The following EPHA5 variants were observed in gnomAD, a reference collection of about 807,000 sequenced individuals.
EPHA5 encodes the protein ephrin type-A receptor 5.
A neutral mutation model predicts 105.0 loss-of-function variants in EPHA5; 60 were observed. The observed-to-expected ratio is 0.57, with a 90% CI of 0.46 to 0.71. The LOEUF (loss-of-function observed/expected upper bound fraction) is 0.71. Ranked by LOEUF, EPHA5 falls within the 30% of genes least tolerant of loss-of-function variation. The pLI is 0.00. For missense variants in EPHA5, 1,218 were observed against 1,274.7 expected (o/e 0.96, Z 0.68); for synonymous variants, 513 against 449.1 (o/e 1.14, Z -1.80).
chr4:65,564,875 A>G (rs1201207088), intron 3 of EPHA5, among the ~76,000 whole-genome samples: 1 of 151,806 alleles, frequency 6.6e-6, no homozygotes, highest in Non-Finnish European at 1.5e-5. Flanking sequence ...TTTCTAATGC[A>G]AAGTGTTCTC....
At chr4:65,483,920 G>C (rs559920132) in intron 5 of EPHA5, among the ~76,000 whole-genome samples, 1 of 152,036 alleles carries the variant, frequency 6.6e-6, no homozygotes, top group Non-Finnish European at 1.5e-5. Flanking sequence ...AACTAGAGCC[G>C]TCATAAAGAA....
At chr4:65,617,639 G>GC (rs796680796) in intron 2 of EPHA5, among the ~76,000 whole-genome samples, 11 of 152,144 alleles carry the variant, frequency 7.2e-5, no homozygotes, top group African/African-American at 2.2e-4. Context: ...TTTTGGTCTG[G>GC]CCACTATTTT....
At chr4:65,534,984 C>T (rs1736156304) in intron 3 of EPHA5, among the ~76,000 whole-genome samples, 1 of 152,058 alleles carries the variant, frequency 6.6e-6, no homozygotes, top group Admixed American at 6.6e-5. Context: ...TTATGAGATA[C>T]TTTGAAAATT....
At chr4:65,420,204 G>A (rs1313952248) in intron 6 of EPHA5, among the ~76,000 whole-genome samples, 2 of 152,038 alleles carry the variant, frequency 1.3e-5, no homozygotes, top group African/African-American at 2.4e-5. Flanking sequence ...GTGCAACTCA[G>A]TTAAGCCAAT....
rs1720626803 is a variant in EPHA5, at chr4:65,331,634, G to C, written c.2945+339C>G. On this transcript the variant is annotated intron_variant, in intron 16 of 16. Coordinates refer to ENST00000613740, the MANE Select transcript of EPHA5 (RefSeq NM_001281766.3). ...TTGTGCTTACAGTTTATTTTGTTTT[G>C]TATTTACATTCATATAACATAGATA... 8.3e-6 allele frequency: 9 copies of C among 1,079,020 alleles called. No individual in the cohort carries two copies. In the South Asian group the frequency reaches 2.7e-4, roughly 32 times the overall value. 66.8% of individuals were successfully genotyped at this position (1,079,020 alleles called of 1,614,324 possible).
At chr4:65,581,938 G>T (rs1741666156) in intron 3 of EPHA5, among the ~76,000 whole-genome samples, 1 of 151,714 alleles carries the variant, frequency 6.6e-6, no homozygotes, top group East Asian at 1.9e-4. Context: ...GAAAAGGCAG[G>T]AAGTATTCAT....
chr4:65,364,999 A>G lies in EPHA5; in HGVS notation c.2173+18T>C, dbSNP rs760970081. The G allele has an allele frequency of 6.2e-7, 1 of 1,607,070 alleles. No individual in the cohort carries two copies. The highest frequency in any genetic ancestry group is 1.1e-5 in the South Asian group (1 of 90,608). On this transcript the variant is annotated intron_variant, in intron 11 of 16. Transcript: ENST00000613740. ...TTGAGGATATGCACACACATGTATA[A>G]TTTGCCATCATACTTACTTTTGGTC...
rs551295399 is a variant in EPHA5, at chr4:65,330,990, G to A, written c.2945+983C>T. On this transcript the variant is annotated intron_variant, in intron 16 of 16. Transcript: ENST00000613740. ...GTTACCTTCTGTGGGGAGGAACAATGAATTCAATGAATCAAAGAATGTCAG... is the reference window on the plus strand; with the variant it reads ...GTTACCTTCTGTGGGGAGGAACAATAAATTCAATGAATCAAAGAATGTCAG... The A allele has an allele frequency of 8.4e-4, 879 of 1,041,692 alleles. 2 individuals are homozygous for A. The highest frequency in any genetic ancestry group is 2.3e-3 in the South Asian group (49 of 21,746). 64.5% of individuals were successfully genotyped at this position (1,041,692 alleles called of 1,614,324 possible). A position where few individuals can be genotyped will look rare whatever the true frequency, so the allele number is the denominator to read the frequency against.
intron 5 of EPHA5, among the ~76,000 whole-genome samples, chr4:65,455,528 G>T (rs934079708): frequency 1.3e-5 from 2 of 152,108 alleles, no homozygotes; most frequent in African/African-American, 4.8e-5. Flanking sequence ...CAGGTAATTA[G>T]TGTAGATTTA....
rs928796253 is a variant in EPHA5 at position 65,661,506 on chromosome 4, C to A, written c.181+8056G>T. Among the ~76,000 whole-genome samples, 12 of 152,266 alleles carry A rather than the reference C, an allele frequency of 7.9e-5. 1 individual carries two copies. Among genetic ancestry groups the A allele is most frequent in the African/African-American group, 2.9e-4 (12 of 41,552 alleles). ...AGTATCTTCTACCTCAGAAGTCTGG[C>A]TGTATCCCCCTTCTTAGGACACCCA... On this transcript the variant is annotated intron_variant, in intron 1 of 16. Coordinates refer to ENST00000613740, the MANE Select transcript of EPHA5 (RefSeq NM_001281766.3).
intron 8 of EPHA5, among the ~76,000 whole-genome samples, chr4:65,375,532 C>G (rs75636872): frequency 0.11 from 17,121 of 151,746 alleles, 1,065 homozygotes; most frequent in African/African-American, 0.16. Context: ...TCAAGAATTT[C>G]AATCTGGCCA....
chr4:65,338,595 T>G (rs1721406302), intron 14 of EPHA5, among the ~76,000 whole-genome samples: 1 of 152,110 alleles, frequency 6.6e-6, no homozygotes, highest in Admixed American at 6.6e-5. Context: ...GGTCTTATTT[T>G]CGGGTAAATT....
rs141509062 is a variant in EPHA5 at position 65,618,512 on chromosome 4, C to T, written c.247-16208G>A. ...AATTAGTTTTCACAAGAATTTAGAGCCATGTTTTAGATCTGATCACTCTAC... is the reference window on the plus strand; with the variant it reads ...AATTAGTTTTCACAAGAATTTAGAGTCATGTTTTAGATCTGATCACTCTAC... On this transcript the variant is annotated intron_variant, in intron 2 of 16. Transcript: ENST00000613740. 1.5e-3 allele frequency among the ~76,000 whole-genome samples: 227 copies of T among 152,218 alleles called. 1 individual carries two copies. Among genetic ancestry groups the T allele is most frequent in the African/African-American group, 5.1e-3 (214 of 41,556 alleles).
intron 3 of EPHA5, chr4:65,573,530 T>C: frequency 1.9e-6 from 3 of 1,596,736 alleles, no homozygotes; most frequent in East Asian, 2.2e-5. Flanking sequence ...CTGATGCTGG[T>C]GGCAAGGTGA....
intron 3 of EPHA5, among the ~76,000 whole-genome samples, chr4:65,585,752 A>C (rs2149405408): frequency 6.6e-6 from 1 of 151,980 alleles, no homozygotes; most frequent in Admixed American, 6.6e-5. Context: ...TAGTGCTTAT[A>C]AGTCTATGAG....
At chr4:65,391,190 A>T (rs1034089815) in intron 8 of EPHA5, among the ~76,000 whole-genome samples, 1 of 152,004 alleles carries the variant, frequency 6.6e-6, no homozygotes, top group Non-Finnish European at 1.5e-5. Flanking sequence ...CTTTGACATG[A>T]GGTGATTATG....
intron 8 of EPHA5, among the ~76,000 whole-genome samples, chr4:65,402,869 C>T (rs1721983587): frequency 2.0e-5 from 3 of 152,004 alleles, no homozygotes. Context: ...CTGACAAGAC[C>T]GATGAAATCA....
chr4:65,612,554 TC>T (rs2149461163), intron 2 of EPHA5, among the ~76,000 whole-genome samples: 1 of 152,346 alleles, frequency 6.6e-6, no homozygotes, highest in Non-Finnish European at 1.5e-5. Flanking sequence ...TGCCACATTT[TC>T]TTTATCCAAT....
intron 5 of EPHA5, among the ~76,000 whole-genome samples, chr4:65,470,266 C>A (rs1474810631): frequency 6.6e-6 from 1 of 151,266 alleles, no homozygotes; most frequent in Non-Finnish European, 1.5e-5. Context: ...GATCTTGGCT[C>A]ACTGCAACCT....
Sources: gnomAD v4.1 joint callset for allele counts (sites outside exome capture counted in the v4.1 genomes callset) on GRCh38, gnomAD v4.1.1 for gene constraint, MANE v1.5 for transcripts, NCBI Gene and HGNC (gene_info 2026-07-23, HGNC 2026-07-21) for gene names.